Variants in CDCA7L observed in about 807,000 individuals in gnomAD.
CDCA7L encodes the protein cell division cycle-associated 7-like protein.
CDCA7L carries 44 observed loss-of-function variants against 57.4 expected under a neutral mutation model. The observed-to-expected ratio is 0.77, with a 90% CI of 0.60 to 0.98. The LOEUF (loss-of-function observed/expected upper bound fraction) is 0.98. Among genes scored for constraint, CDCA7L ranks in the 50% least tolerant of loss-of-function variants. CDCA7L has a pLI of 0.00. For missense variants in CDCA7L, 644 were observed against 580.6 expected, an observed-to-expected ratio of 1.11 and a Z score of -1.12; for synonymous variants, 236 against 202.8, an observed-to-expected ratio of 1.16 and a Z score of -1.39.
chr7:21,903,833 A>G (rs7807350), intron 8 of CDCA7L: 8,549 of 314,908 alleles, frequency 0.027, 253 homozygotes, highest in African/African-American at 0.086. Flanking sequence ...AAGGACAGGT[A>G]CAGGGATTAC....
At chr7:21,939,618 A>G (rs1180822531) in intron 1 of CDCA7L, among the ~76,000 whole-genome samples, 1 of 152,206 alleles carries the variant, frequency 6.6e-6, no homozygotes, top group Non-Finnish European at 1.5e-5. Context: ...AAAGATTATC[A>G]AATTGGACAA....
At chr7:21,911,992 G>T (rs1785345198) in intron 2 of CDCA7L, among the ~76,000 whole-genome samples, 2 of 151,354 alleles carry the variant, frequency 1.3e-5, no homozygotes, top group Admixed American at 6.6e-5. Context: ...GCCGGGTACA[G>T]TGGCTCACCC....
At chr7:21,903,254 G>T (rs560752335) in intron 8 of CDCA7L, 140 bp from the exon 9 acceptor site, 2 of 746,076 alleles carry the variant, frequency 2.7e-6, no homozygotes, top group Admixed American at 2.9e-5. Context: ...GTCCCAGGGG[G>T]CTCCTCACAA....
chr7:21,902,849 T>A, intron 9 of CDCA7L, 129 bp downstream of exon 9: 1 of 769,688 alleles, frequency 1.3e-6, no homozygotes, highest in Non-Finnish European at 2.1e-6. Flanking sequence ...AGATACAGAA[T>A]GGATGGTACT....
chr7:21,903,224 C>CATGGCATCTTTCAGTCTACGTCCCAG, intron 8 of CDCA7L, 110 bp from the exon 9 acceptor site: 1 of 1,032,996 alleles, frequency 9.7e-7, no homozygotes, highest in Non-Finnish European at 1.4e-6. Context: ...CCTTTAATCA[C>CATGGCATCTTTCAGTCTACGTCCCAG]ATGGCATCTT....
At chr7:21,907,613 A>G (rs1445858655) in intron 4 of CDCA7L, among the ~76,000 whole-genome samples, 1 of 152,208 alleles carries the variant, frequency 6.6e-6, no homozygotes. Context: ...AATGAAGACA[A>G]TGTAGAGTGA....
intron 3 of CDCA7L, among the ~76,000 whole-genome samples, chr7:21,910,228 A>G (rs188434358): frequency 1.3e-5 from 2 of 152,346 alleles, no homozygotes; most frequent in East Asian, 1.9e-4. Flanking sequence ...GATGATGCCC[A>G]TTAGGGTTTT....
intron 1 of CDCA7L, among the ~76,000 whole-genome samples, chr7:21,941,122 TAA>T (rs1198677534): frequency 6.6e-6 from 1 of 152,110 alleles, no homozygotes; most frequent in African/African-American, 2.4e-5. Flanking sequence ...AAATACATTA[TAA>T]AGAGTTATTA....
At position 21,916,813 on chromosome 7, in the gene CDCA7L, C is replaced by T. The variant is rs759134896; in HGVS notation, c.106G>A (p.Glu36Lys). Residue 36 changes from glutamate to lysine, a missense_variant, in exon 2 of 10, where the codon GAA becomes AAA. By Grantham distance (56) the Glu-to-Lys change is moderately conservative. Transcript: ENST00000406877. ...FVGFRDDVPM[E>K]TLSSEESCDS... ...CAGCTCTCCTCTGACGAGAGGGTTT[C>T]CATGGGAACATCATCTCGGAAGCCA... is the stretch of plus-strand genomic sequence containing the variant. 1 of 1,613,952 alleles carries T rather than the reference C, an allele frequency of 6.2e-7. No homozygotes were observed. The highest frequency in any genetic ancestry group is 2.2e-5 in the East Asian group (1 of 44,872).
At chr7:21,931,352 G>C (rs148863317) in intron 1 of CDCA7L, among the ~76,000 whole-genome samples, 1,611 of 152,308 alleles carry the variant, frequency 0.011, 17 homozygotes, top group Middle Eastern at 0.027. Context: ...CAGTATCCCT[G>C]ATGAACGAAG....
intron 1 of CDCA7L, chr7:21,940,434 C>T (rs531027251): frequency 3.4e-4 from 99 of 287,838 alleles, no homozygotes; most frequent in Non-Finnish European, 4.9e-4. Flanking sequence ...TGCTGGACAT[C>T]GTCTCCTAAG....
chr7:21,905,521 G>C lies in CDCA7L; in HGVS notation c.1032C>G (p.Ile344Met), dbSNP rs770133053. The change falls in exon 7 of 10, where the codon ATC (isoleucine) becomes ATG (methionine). Residue 344 changes from isoleucine (I) to methionine (M), a missense_variant. Physicochemically the swap from Ile to Met is conservative, Grantham distance 10. Coordinates refer to ENST00000406877, the MANE Select transcript of CDCA7L (RefSeq NM_018719.5). Reference sequence around the variant, plus strand: ...TATACTTTACCAGAACTTTATCATAGATTTTATCTCGAACAGTTATGGCAA... The same window carrying C: ...TATACTTTACCAGAACTTTATCATACATTTTATCTCGAACAGTTATGGCAA... ...ENVAITVRDK[I>M]YDKVLGNTCH... is the part of the protein sequence containing the mutation. The C allele has an allele frequency of 6.2e-7, 1 of 1,613,600 alleles. No homozygotes were observed. Among genetic ancestry groups the C allele is most frequent in the Non-Finnish European group, 8.5e-7 (1 of 1,179,836 alleles).
At chr7:21,939,279 G>A (rs534175458) in intron 1 of CDCA7L, among the ~76,000 whole-genome samples, 5 of 152,162 alleles carry the variant, frequency 3.3e-5, no homozygotes, top group East Asian at 1.9e-4. Flanking sequence ...CAGTGATGGC[G>A]GCACAACATT....
intron 1 of CDCA7L, among the ~76,000 whole-genome samples, chr7:21,934,607 C>T (rs10232849): frequency 0.012 from 1,818 of 152,138 alleles, 36 homozygotes; most frequent in African/African-American, 0.042. Context: ...TGTTAAACTC[C>T]AAATCAAAAG....
chr7:21,918,593 T>TA (rs1251636633), intron 1 of CDCA7L, among the ~76,000 whole-genome samples: 5 of 152,248 alleles, frequency 3.3e-5, no homozygotes, highest in East Asian at 3.8e-4. Context: ...TCTGAAGTTT[T>TA]ATTTTTTTTG....
rs1010381993 is a variant in CDCA7L at position 21,905,716 on chromosome 7, G to A, written c.922-85C>T. 9.1e-6 allele frequency: 13 copies of A among 1,422,146 alleles called. No homozygotes were observed. The South Asian group carries it at 1.9e-4, about 21-fold the overall frequency. 88.1% of individuals were successfully genotyped at this position (1,422,146 alleles called of 1,614,324 possible). ...AATATTTTAAACTCTCAAAGATCTA[G>A]CACCATTAATGTTAACCCCGTCCCT... On this transcript the variant is annotated intron_variant, in intron 6 of 9. Coordinates refer to ENST00000406877, the MANE Select transcript of CDCA7L (RefSeq NM_018719.5).
chr7:21,910,235 T>C (rs2128059216), intron 3 of CDCA7L, among the ~76,000 whole-genome samples: 1 of 152,140 alleles, frequency 6.6e-6, no homozygotes, highest in Middle Eastern at 3.4e-3. Context: ...CCCATTAGGG[T>C]TTTAGAAGCA....
intron 1 of CDCA7L, among the ~76,000 whole-genome samples, chr7:21,935,987 G>A (rs942921003): frequency 1.2e-4 from 18 of 151,990 alleles, no homozygotes; most frequent in South Asian, 2.1e-4. Context: ...CAGCCTGGGC[G>A]ACAGAGCAAG....
chr7:21,915,516 G>A (rs538167042), intron 2 of CDCA7L, among the ~76,000 whole-genome samples: 1 of 152,144 alleles, frequency 6.6e-6, no homozygotes, highest in South Asian at 2.1e-4. Flanking sequence ...ACAAAAAGCA[G>A]GCCAGGTACA....
Sources: gnomAD v4.1 joint callset for allele counts (sites outside exome capture counted in the v4.1 genomes callset) on GRCh38, gnomAD v4.1.1 for gene constraint, MANE v1.5 for transcripts, NCBI Gene and HGNC (gene_info 2026-07-23, HGNC 2026-07-21) for gene names.